The following EDNRB variants were observed in gnomAD, a reference collection of about 807,000 sequenced individuals.
EDNRB encodes the protein endothelin receptor type B, also known as Hirschsprung disease 2.
Under a neutral mutation model 46.4 loss-of-function variants are expected in EDNRB, and 18 were observed. The observed-to-expected ratio is 0.39, with a 90% CI of 0.27 to 0.57. The LOEUF is 0.57. EDNRB is among the 20% of genes least tolerant of loss of function. The probability of loss-of-function intolerance (pLI) is 0.61; values close to 1 mark genes in which losing one functional copy is unlikely to be tolerated. For synonymous variants in EDNRB, 213 were observed against 204.9 expected, an observed-to-expected ratio of 1.04 and a Z score of -0.34; for missense variants, 434 against 537.5, an observed-to-expected ratio of 0.81 and a Z score of 1.90.
chr13:77,941,417 A>G (rs1880740735), intron 1 of EDNRB, among the ~76,000 whole-genome samples: 1 of 152,250 alleles, frequency 6.6e-6, no homozygotes, highest in African/African-American at 2.4e-5. Context: ...GTAAATGACC[A>G]GAGTTCACAA....
chr13:77,915,934 A>AAACT (rs1392995266), intron 1 of EDNRB, among the ~76,000 whole-genome samples: 1 of 152,210 alleles, frequency 6.6e-6, no homozygotes, highest in African/African-American at 2.4e-5. Context: ...AATGAAAGGG[A>AAACT]AACTGTATGA....
chr13:77,951,926 T>C (rs1426012849), intron 1 of EDNRB, among the ~76,000 whole-genome samples: 1 of 152,152 alleles, frequency 6.6e-6, no homozygotes, highest in Non-Finnish European at 1.5e-5. Flanking sequence ...TCCTTTGGGT[T>C]CGGGGTCTCT....
At chr13:77,937,448 A>T (rs1249606478) in intron 1 of EDNRB, among the ~76,000 whole-genome samples, 1 of 152,086 alleles carries the variant, frequency 6.6e-6, no homozygotes, top group Non-Finnish European at 1.5e-5. Context: ...CATTTAAGTC[A>T]CTCCAGGTTA....
intron 1 of EDNRB, among the ~76,000 whole-genome samples, chr13:77,946,548 T>C (rs1168675875): frequency 6.6e-6 from 1 of 152,128 alleles, no homozygotes; most frequent in African/African-American, 2.4e-5. Flanking sequence ...TCATGAATCA[T>C]TTGCCTTTTC....
In EDNRB at chr13:77,965,991, C is replaced by T. The variant is rs535408761; in HGVS notation, c.-52+9356G>A. On this transcript the variant is annotated intron_variant, in intron 1 of 7. Transcript: ENST00000646948. ...TTTTGGTCTCAAGCAATCCTTCCAC[C>T]TCAGCCCCTCAGGTAGCTAAGACTG... 2.6e-5 allele frequency among the ~76,000 whole-genome samples: 4 copies of T among 152,288 alleles called. No individual in the cohort carries two copies. In the South Asian group the frequency reaches 8.3e-4, roughly 32 times the overall value.
chr13:77,948,915 T>C (rs578223970), intron 1 of EDNRB, among the ~76,000 whole-genome samples: 1 of 152,202 alleles, frequency 6.6e-6, no homozygotes, highest in Non-Finnish European at 1.5e-5. Context: ...AAAAGATTGC[T>C]GCACTGCTTT....
intron 3 of EDNRB, 121 bp downstream of exon 3, chr13:77,903,035 C>T (rs1337914043): frequency 3.7e-6 from 4 of 1,090,870 alleles, no homozygotes; most frequent in East Asian, 2.5e-5. Flanking sequence ...GATCTATACT[C>T]TTAATTTATG....
chr13:77,904,073 C>T (rs1370104723), intron 1 of EDNRB, among the ~76,000 whole-genome samples: 1 of 151,970 alleles, frequency 6.6e-6, no homozygotes, highest in Non-Finnish European at 1.5e-5. Flanking sequence ...GGCACTTGTT[C>T]TTCATTGCAG....
In EDNRB at chr13:77,898,308, T is replaced by C; in HGVS notation, c.1221A>G (p.Ser407=). ...CCTCCAAGGACTGTTTTTCTTCAAA[T>C]GACTGGCACCAGCAGCATAAGCATG... ...FKSCLCCWCQ[S]FEEKQSLEEK... The change falls in exon 7 of 7, where the codon TCA becomes TCG. Residue 407 remains serine, a synonymous_variant. Transcript: ENST00000646607. 6.2e-7 allele frequency: 1 copy of C among 1,612,180 alleles called. No individual in the cohort carries two copies. Among genetic ancestry groups the C allele is most frequent in the Non-Finnish European group, 8.5e-7 (1 of 1,178,810 alleles).
At chr13:77,919,415 C>T, upstream of EDNRB, 1 of 1,612,340 alleles carries the variant, frequency 6.2e-7, no homozygotes. Context: ...TCTGACAAAC[C>T]AGATGCAGAG....
chr13:77,903,079 G>A, intron 3 of EDNRB, 77 bp downstream of exon 3: 4 of 1,448,594 alleles, frequency 2.8e-6, no homozygotes, highest in South Asian at 1.2e-5. Flanking sequence ...GTTTCCCAAG[G>A]AGTGGGGAAC....
upstream of EDNRB, among the ~76,000 whole-genome samples, chr13:77,920,464 A>G (rs968511269): frequency 7.9e-5 from 12 of 152,224 alleles, no homozygotes; most frequent in Admixed American, 4.6e-4. Flanking sequence ...AGAAGCACCC[A>G]TTCCATGTAG....
intron 1 of EDNRB, among the ~76,000 whole-genome samples, chr13:77,926,893 T>TA (rs1182136648): frequency 6.6e-6 from 1 of 152,198 alleles, no homozygotes; most frequent in East Asian, 1.9e-4. Flanking sequence ...AGACACTTCT[T>TA]ACATGGTGGC....
chr13:77,944,067 C>T (rs1880830945), intron 1 of EDNRB, among the ~76,000 whole-genome samples: 1 of 152,054 alleles, frequency 6.6e-6, no homozygotes, highest in South Asian at 2.1e-4. Context: ...AGTCTTGTTT[C>T]ACCTTTAAAC....
chr13:77,961,363 G>A (rs190556263), intron 1 of EDNRB, among the ~76,000 whole-genome samples: 5 of 150,832 alleles, frequency 3.3e-5, no homozygotes, highest in African/African-American at 1.2e-4. Flanking sequence ...TCAGCACCAC[G>A]TCGCACATAG....
chr13:77,919,429 C>T, upstream of EDNRB: 1 of 1,612,670 alleles, frequency 6.2e-7, no homozygotes, highest in Middle Eastern at 1.6e-4. Flanking sequence ...TGCAGAGCGA[C>T]GAATGGAGAC....
intron 1 of EDNRB, among the ~76,000 whole-genome samples, chr13:77,929,355 C>A (rs577864156): frequency 9.8e-5 from 15 of 152,292 alleles, no homozygotes; most frequent in African/African-American, 3.6e-4. Context: ...ATGCACCTAT[C>A]CATCTATACA....
intron 1 of EDNRB, among the ~76,000 whole-genome samples, chr13:77,953,210 C>T (rs1191301647): frequency 6.6e-6 from 1 of 152,060 alleles, no homozygotes; most frequent in Non-Finnish European, 1.5e-5. Context: ...TTTGAGATGA[C>T]AAAGAGCTGT....
Position 77,901,313 on chromosome 13 carries a change from A to C in EDNRB, c.802-106T>G, listed in dbSNP as rs1010877652. The C allele has an allele frequency of 1.7e-5, 21 of 1,215,150 alleles. No individual in the cohort carries two copies. The Admixed American group carries it at 3.3e-4, about 19-fold the overall frequency. 75.3% of individuals were successfully genotyped at this position (1,215,150 alleles called of 1,614,324 possible). A position where few individuals can be genotyped will look rare whatever the true frequency, so the allele number is the denominator to read the frequency against. On this transcript the variant is annotated intron_variant, in intron 3 of 6. Transcript: ENST00000646607. Reference sequence around the variant, plus strand: ...TCATCAGGGAATGATTATCTTCTAAATTAGATCCAGTTTGTATATATCATA... The same window carrying C: ...TCATCAGGGAATGATTATCTTCTAACTTAGATCCAGTTTGTATATATCATA...
Sources: gnomAD v4.1 joint callset for allele counts (sites outside exome capture counted in the v4.1 genomes callset) on GRCh38, gnomAD v4.1.1 for gene constraint, MANE v1.5 for transcripts, NCBI Gene and HGNC (gene_info 2026-07-23, HGNC 2026-07-21) for gene names.